Variants in SEZ6 observed in about 807,000 individuals in gnomAD.
SEZ6 encodes the protein seizure protein 6 homolog.
SEZ6 carries 53 observed loss-of-function variants against 101.0 expected under a neutral mutation model. That is an observed-to-expected ratio of 0.52 (90% confidence interval 0.42 to 0.66). The LOEUF is 0.66. SEZ6 is among the 30% of genes least tolerant of loss of function. SEZ6 has a pLI of 0.00. For synonymous variants in SEZ6, 488 were observed against 512.2 expected, an observed-to-expected ratio of 0.95 and a Z score of 0.64; for missense variants, 1,102 against 1,289.4, an observed-to-expected ratio of 0.85 and a Z score of 2.23.
chr17:28,982,518 T>A (rs567694805), intron 1 of SEZ6, among the ~76,000 whole-genome samples: 1 of 152,358 alleles, frequency 6.6e-6, no homozygotes, highest in East Asian at 1.9e-4. Context: ...CCCACCACAG[T>A]GTCTTTCCTG....
chr17:28,970,817 T>G (rs1280931422), intron 3 of SEZ6, among the ~76,000 whole-genome samples: 1 of 152,236 alleles, frequency 6.6e-6, no homozygotes, highest in African/African-American at 2.4e-5. Context: ...GCCGATAATA[T>G]GTAGTTCAAA....
Position 28,981,567 on chromosome 17 carries a change from G to A in SEZ6, c.528C>T (p.Pro176=). ...GGGTTGGTGTCCAGGCTCTGCTGGG[G>A]GGTGTAGTGCTGGCTATCTCCCCTG... ...LGPGEIASTT[P]PSRAWTPTQE... is the part of the protein sequence containing the mutation. Residue 176 remains proline, a synonymous_variant, in exon 2 of 17, where the codon CCC becomes CCT. Transcript: ENST00000317338. The A allele has an allele frequency of 6.2e-7, 1 of 1,612,210 alleles. No individual in the cohort carries two copies. Among genetic ancestry groups the A allele is most frequent in the Non-Finnish European group, 8.5e-7 (1 of 1,179,052 alleles).
chr17:28,994,987 C>A (rs932460939), intron 1 of SEZ6, among the ~76,000 whole-genome samples: 15 of 152,010 alleles, frequency 9.9e-5, no homozygotes, highest in African/African-American at 3.4e-4. Context: ...GTTCTCCTGC[C>A]TCAGCCTCCC....
intron 1 of SEZ6, among the ~76,000 whole-genome samples, chr17:28,989,687 G>T (rs2041430537): frequency 6.6e-6 from 1 of 152,128 alleles, no homozygotes; most frequent in Non-Finnish European, 1.5e-5. Context: ...GGTCATTCCT[G>T]GGTATGGGCC....
At position 28,979,764 on chromosome 17, in the gene SEZ6, A is replaced by G; in HGVS notation, c.774T>C (p.Pro258=). 1 of 1,613,440 alleles carries G rather than the reference A, an allele frequency of 6.2e-7. No individual in the cohort carries two copies. Among genetic ancestry groups the G allele is most frequent in the Non-Finnish European group, 8.5e-7 (1 of 1,179,666 alleles). ...CATCAGTGGGGGAGCTGAGGTCTGT[A>G]GGGGAGTCCAGAGAGCCCTCTGGGC... ...FSGPEGSLDS[P]TDLSSPTDVG... is the part of the protein sequence containing the mutation. The change falls in exon 3 of 17, where the codon CCT becomes CCC. Residue 258 remains proline, a synonymous_variant. Transcript: ENST00000317338.
intron 5 of SEZ6, among the ~76,000 whole-genome samples, chr17:28,961,185 T>C (rs566099962): frequency 6.6e-6 from 1 of 152,250 alleles, no homozygotes; most frequent in African/African-American, 2.4e-5. Flanking sequence ...TCCTGCCGCC[T>C]AACCTTTCAC....
chr17:28,957,286 C>T (rs1281199261), intron 12 of SEZ6, 44 bp from the exon 13 acceptor site: 17 of 1,611,364 alleles, frequency 1.1e-5, no homozygotes, highest in Non-Finnish European at 1.4e-5. Flanking sequence ...TGCCCTTGGC[C>T]TCCAGGGCAG....
chr17:28,988,632 C>A (rs375492903), intron 1 of SEZ6, among the ~76,000 whole-genome samples: 92 of 152,222 alleles, frequency 6.0e-4, no homozygotes, highest in Non-Finnish European at 1.1e-3. Flanking sequence ...TCTTCCCCTG[C>A]CACTGATCAT....
chr17:28,959,252 G>A lies in SEZ6; in HGVS notation c.1911-31C>T, dbSNP rs748256195. 20 of 1,612,342 alleles carry A rather than the reference G, an allele frequency of 1.2e-5. No homozygotes were observed. Among genetic ancestry groups the A allele is most frequent in the Non-Finnish European group, 1.5e-5 (18 of 1,179,084 alleles). On this transcript the variant is annotated intron_variant, in intron 9 of 16. Coordinates refer to ENST00000317338, the MANE Select transcript of SEZ6 (RefSeq NM_178860.5). The surrounding 1 kb of genome is among the most constrained non-coding windows in gnomAD (Gnocchi z 4.4). Reference sequence around the variant, plus strand: ...AAGGAGGAGCGTCAGGGCAGAGCCGGCCTGGGGGCCCGAGGATGGGCTGGA... The same window carrying A: ...AAGGAGGAGCGTCAGGGCAGAGCCGACCTGGGGGCCCGAGGATGGGCTGGA...
rs185918130 is a variant in SEZ6 at position 28,989,217 on chromosome 17, T to A, written c.56-7178A>T. On this transcript the variant is annotated intron_variant, in intron 1 of 16. Transcript: ENST00000317338. ...CAGTAAAATGGGTCCCTGCCAGTTC[T>A]CACATTCCAGGATCTAGTGAACCAT... Among the ~76,000 whole-genome samples the A allele has an allele frequency of 4.9e-3, 746 of 152,302 alleles. 7 individuals carry two copies. Among genetic ancestry groups the A allele is most frequent in the Admixed American group, 0.011 (168 of 15,300 alleles).
Position 28,981,558 on chromosome 17 carries a change from T to C in SEZ6, c.537A>G (p.Arg179=). The C allele has an allele frequency of 1.9e-6, 3 of 1,612,622 alleles. No individual in the cohort carries two copies. The highest frequency in any genetic ancestry group is 2.5e-6 in the Non-Finnish European group (3 of 1,179,296). ...GEIASTTPPS[R]AWTPTQEGPG... Reference sequence around the variant, plus strand: ...GACCCTCTTGGGTTGGTGTCCAGGCTCTGCTGGGGGGTGTAGTGCTGGCTA... The same window carrying C: ...GACCCTCTTGGGTTGGTGTCCAGGCCCTGCTGGGGGGTGTAGTGCTGGCTA... The change falls in exon 2 of 17, where the codon AGA becomes AGG. Residue 179 remains arginine, a synonymous_variant. Coordinates refer to ENST00000317338, the MANE Select transcript of SEZ6 (RefSeq NM_178860.5).
chr17:28,976,589 G>A (rs1186644222), intron 3 of SEZ6, among the ~76,000 whole-genome samples: 1 of 152,202 alleles, frequency 6.6e-6, no homozygotes, highest in Non-Finnish European at 1.5e-5. Context: ...GCCATGGGGA[G>A]CTCTGTAGGC....
chr17:28,986,606 C>T (rs1472078544), intron 1 of SEZ6, among the ~76,000 whole-genome samples: 5 of 152,216 alleles, frequency 3.3e-5, no homozygotes, highest in Non-Finnish European at 1.5e-5. Flanking sequence ...TTACGCAGTG[C>T]CCCAGCCTGG....
intron 7 of SEZ6, 82 bp downstream of exon 7, chr17:28,960,423 G>C: frequency 1.3e-6 from 2 of 1,513,200 alleles, no homozygotes; most frequent in South Asian, 1.2e-5. Context: ...AGGCAGAGAG[G>C]GGTAGGGTGT....
intron 1 of SEZ6, among the ~76,000 whole-genome samples, chr17:28,988,874 T>C (rs1195851012): frequency 6.6e-6 from 1 of 152,208 alleles, no homozygotes; most frequent in East Asian, 1.9e-4. Context: ...GGGGCAGGGT[T>C]GGGACTCAGG....
chr17:28,959,322 G>T lies in SEZ6; in HGVS notation c.1910+12C>A, dbSNP rs1402082245. On this transcript the variant is annotated intron_variant, in intron 9 of 16. Coordinates refer to ENST00000317338, the MANE Select transcript of SEZ6 (RefSeq NM_178860.5). The surrounding 1 kb of genome is among the most constrained non-coding windows in gnomAD (Gnocchi z 4.4). ...TCAGGAGTTGGCTCGGCCTGACCCGGTAGGCACTCACACTCGGATGTCCAG... is the reference window on the plus strand; with the variant it reads ...TCAGGAGTTGGCTCGGCCTGACCCGTTAGGCACTCACACTCGGATGTCCAG... 3 of 1,613,840 alleles carry T rather than the reference G, an allele frequency of 1.9e-6. No homozygotes were observed. The highest frequency in any genetic ancestry group is 2.5e-6 in the Non-Finnish European group (3 of 1,179,880).
In SEZ6 at chr17:28,969,896, C is replaced by G; in HGVS notation, c.915G>C (p.Gly305=). ...GGTTGGCCAGGGGCAGTGGGTCAGG[C>G]CCCCCCAGGCCTTCCACAGTCACTG... is the stretch of plus-strand genomic sequence containing the variant. The part of the protein sequence containing the change: ...GETVTVEGLG[G]PDPLPLANQS... Residue 305 remains glycine, a synonymous_variant, in exon 4 of 17, where the codon GGG becomes GGC. Transcript: ENST00000317338. 1.3e-6 allele frequency: 2 copies of G among 1,543,528 alleles called. No homozygotes were observed. The highest frequency in any genetic ancestry group is 2.2e-5 in the Admixed American group (1 of 45,088).
chr17:28,998,080 G>T (rs543427226), intron 1 of SEZ6, among the ~76,000 whole-genome samples: 1 of 152,168 alleles, frequency 6.6e-6, no homozygotes, highest in East Asian at 1.9e-4. Flanking sequence ...TGAGCTGGGA[G>T]GGAGGGAGGG....
chr17:28,960,715 A>G (rs758330916), intron 6 of SEZ6, 44 bp from the exon 7 acceptor site: 1 of 1,612,264 alleles, frequency 6.2e-7, no homozygotes, highest in South Asian at 1.1e-5. Context: ...TGGCTGACCC[A>G]GATGGGGTGT....
Sources: allele counts gnomAD v4.1 joint callset (sites outside exome capture counted in the v4.1 genomes callset), GRCh38; gene constraint gnomAD v4.1.1; non-coding constraint Gnocchi (gnomAD v3.1); transcripts MANE v1.5; gene names NCBI Gene and HGNC (gene_info 2026-07-23, HGNC 2026-07-21).